KIF21B: variants seen among roughly 807,000 people sequenced by gnomAD.
KIF21B encodes the protein kinesin family member 21B.
KIF21B carries 85 observed loss-of-function variants against 192.9 expected under a neutral mutation model. That is an observed-to-expected ratio of 0.44 (90% CI 0.37 to 0.53). KIF21B has a LOEUF of 0.53. Among genes scored for constraint, KIF21B ranks in the 20% least tolerant of loss-of-function variants. The pLI, the probability that KIF21B is intolerant of heterozygous loss-of-function variation, is 0.00. For synonymous variants in KIF21B, 832 were observed against 884.6 expected, an observed-to-expected ratio of 0.94 and a Z score of 1.05; for missense variants, 1,716 against 2,194.8, an observed-to-expected ratio of 0.78 and a Z score of 4.36.
chr1:201,000,323 T>TGGGGACGGGCAGGGTCCAC lies in KIF21B; in HGVS notation c.1685+48_1685+66dup. The TGGGGACGGGCAGGGTCCAC allele has an allele frequency of 6.9e-7, 1 of 1,443,516 alleles. No individual in the cohort carries two copies. Among genetic ancestry groups the TGGGGACGGGCAGGGTCCAC allele is most frequent in the Non-Finnish European group, 9.3e-7 (1 of 1,079,652 alleles). The allele number at this position is 1,443,516 out of a possible 1,614,324, so 89.4% of individuals were successfully genotyped here. On this transcript the variant is annotated intron_variant, in intron 11 of 34. Coordinates refer to ENST00000461742, the MANE Select transcript of KIF21B (RefSeq NM_001252102.2). The surrounding 1 kb of genome is among the most constrained non-coding windows in gnomAD (Gnocchi z 6.0). Reference sequence around the variant, plus strand: ...AACACTGGTGGGCAGCAGTCCTCCTTGGGGACGGGCAGGGTCCACTGGGGC... The same window carrying TGGGGACGGGCAGGGTCCAC: ...AACACTGGTGGGCAGCAGTCCTCCTTGGGGACGGGCAGGGTCCACGGGGACGGGCAGGGTCCACTGGGGC...
Position 200,971,973 on chromosome 1 carries a change from G to A in KIF21B, c.*1548C>T, listed in dbSNP as rs1435778511. On this transcript the variant is annotated 3_prime_UTR_variant, in exon 35 of 35. Transcript: ENST00000461742. ...AAGTCACTGCGTCCTCTGAAGGGAGGTGGGGCTGGCTCTTGGCTCCCAGAC... is the reference window on the plus strand; with the variant it reads ...AAGTCACTGCGTCCTCTGAAGGGAGATGGGGCTGGCTCTTGGCTCCCAGAC... 3 of 152,060 alleles carry A rather than the reference G, an allele frequency of 2.0e-5. No homozygotes were observed. The highest frequency in any genetic ancestry group is 4.8e-5 in the African/African-American group (2 of 41,402). 9.4% of individuals were successfully genotyped at this position (152,060 alleles called of 1,614,324 possible). A position where few individuals can be genotyped will look rare whatever the true frequency, so the allele number is the denominator to read the frequency against.
intron 1 of KIF21B, among the ~76,000 whole-genome samples, chr1:201,021,946 G>GCA (rs1658854355): frequency 6.6e-6 from 1 of 152,164 alleles, no homozygotes; most frequent in Admixed American, 6.5e-5. Flanking sequence ...GTCAGCCCCA[G>GCA]CAGCAGCCTG....
chr1:200,999,255 G>C lies in KIF21B; in HGVS notation c.1885+94C>G. 6.8e-7 allele frequency: 1 copy of C among 1,477,682 alleles called. No individual in the cohort carries two copies. The highest frequency in any genetic ancestry group is 9.4e-7 in the Non-Finnish European group (1 of 1,059,674). The allele number at this position is 1,477,682 out of a possible 1,614,324, so 91.5% of individuals were successfully genotyped here. A position where few individuals can be genotyped will look rare whatever the true frequency, so the allele number is the denominator to read the frequency against. On this transcript the variant is annotated intron_variant, in intron 13 of 34. Transcript: ENST00000461742. This position sits in a 1 kb window ranked among gnomAD's most constrained non-coding sequence, Gnocchi z 4.7. ...TCACGTCTGGGAGTGCTGGGGCCTG[G>C]ACACCATTATCTTTGAGCAGGGCCC...
intron 17 of KIF21B, among the ~76,000 whole-genome samples, 199 bp from the exon 18 acceptor site, chr1:200,991,348 G>A (rs920070679): frequency 6.6e-6 from 1 of 152,202 alleles, no homozygotes; most frequent in African/African-American, 2.4e-5. Context: ...TTTTTTTAAC[G>A]CACAGCTCAG....
intron 16 of KIF21B, 96 bp from the exon 17 acceptor site, chr1:200,991,821 G>T: frequency 8.0e-7 from 1 of 1,257,514 alleles, no homozygotes; most frequent in Non-Finnish European, 1.1e-6. Flanking sequence ...GAAAGCCTGG[G>T]CTTCAGGGTG....
rs983166176 is a variant in KIF21B at position 200,991,265 on chromosome 1, T to C, written c.2455-116A>G. On this transcript the variant is annotated intron_variant, in intron 17 of 34. Coordinates refer to ENST00000461742, the MANE Select transcript of KIF21B (RefSeq NM_001252102.2). ...ACACAGAGGCTGCTCTGTGCTGGCC[T>C]GGGCTTGGGCTGCAAAAGGGCCAAG... 3.8e-6 allele frequency: 3 copies of C among 785,496 alleles called. No homozygotes were observed. The African/African-American group carries it at 5.3e-5, about 14-fold the overall frequency. The allele number at this position is 785,496 out of a possible 1,614,324, so 48.7% of individuals were successfully genotyped here.
intron 26 of KIF21B, among the ~76,000 whole-genome samples, chr1:200,986,077 G>C (rs796346289): frequency 4.6e-5 from 7 of 151,804 alleles, no homozygotes; most frequent in African/African-American, 1.7e-4. Flanking sequence ...GAACTCCTGA[G>C]CTCAGACAAT....
intron 30 of KIF21B, 140 bp downstream of exon 30, chr1:200,979,395 C>A: frequency 3.5e-6 from 2 of 567,694 alleles, no homozygotes; most frequent in South Asian, 3.5e-5. Flanking sequence ...AGGGTCAAGC[C>A]AAGTTCATAG....
At position 201,003,685 on chromosome 1, in the gene KIF21B, C is replaced by A; in HGVS notation, c.1113G>T (p.Lys371Asn). The change falls in exon 8 of 35, where the codon AAG becomes AAT. Residue 371 changes from lysine (K) to asparagine (N), a missense_variant. By Grantham distance (94) the Lys-to-Asn change is moderately conservative. Around this residue, in one of 3 missense-constraint regions of KIF21B, gnomAD observed 1,087 missense variants for 1,316.6 expected, o/e 0.83. Transcript: ENST00000461742. ...TGTCCTGGTTCACTACCACCTTGTT[C>A]TTGATGTTGCGGGCCCGATTGGCAT... ...LKYANRARNI[K>N]NKVVVNQDKT... 1.2e-6 allele frequency: 2 copies of A among 1,614,220 alleles called. No homozygotes were observed. Among genetic ancestry groups the A allele is most frequent in the Non-Finnish European group, 1.7e-6 (2 of 1,180,038 alleles).
Position 200,973,574 on chromosome 1 carries a change from G to T in KIF21B, c.4819C>A (p.Leu1607Met). 2 of 1,518,358 alleles carry T rather than the reference G, an allele frequency of 1.3e-6. No individual in the cohort carries two copies. The highest frequency in any genetic ancestry group is 3.4e-4 in the Middle Eastern group (2 of 5,898). The allele number at this position is 1,518,358 out of a possible 1,614,324, so 94.1% of individuals were successfully genotyped here. ...CGGACACTCCAGAACTTCACCGTCA[G>T]GTCACTGGGGTGGAGGACAAAGTGG... ...AKHIFTASSDLTVKFWSVRRL... is the reference protein window; with the variant it reads ...AKHIFTASSDMTVKFWSVRRL... Residue 1607 changes from leucine (L) to methionine (M), a missense_variant, in exon 35 of 35, where the codon CTG (leucine) becomes ATG (methionine). Around this residue, in one of 3 missense-constraint regions of KIF21B, gnomAD observed 580 missense variants for 775.5 expected, o/e 0.75. Transcript: ENST00000461742.
At position 200,999,256 on chromosome 1, in the gene KIF21B, A is replaced by T; in HGVS notation, c.1885+93T>A. ...CACGTCTGGGAGTGCTGGGGCCTGG[A>T]CACCATTATCTTTGAGCAGGGCCCG... On this transcript the variant is annotated intron_variant, in intron 13 of 34. Coordinates refer to ENST00000461742, the MANE Select transcript of KIF21B (RefSeq NM_001252102.2). This position sits in a 1 kb window ranked among gnomAD's most constrained non-coding sequence, Gnocchi z 4.7. 6.8e-7 allele frequency: 1 copy of T among 1,475,854 alleles called. No individual in the cohort carries two copies. The highest frequency in any genetic ancestry group is 9.5e-7 in the Non-Finnish European group (1 of 1,057,890). 91.4% of individuals were successfully genotyped at this position (1,475,854 alleles called of 1,614,324 possible). A position where few individuals can be genotyped will look rare whatever the true frequency, so the allele number is the denominator to read the frequency against.
At chr1:201,022,720 A>G (rs1422448679) in intron 1 of KIF21B, among the ~76,000 whole-genome samples, 1 of 152,194 alleles carries the variant, frequency 6.6e-6, no homozygotes, top group African/African-American at 2.4e-5. Context: ...GCCCTCTCAG[A>G]GAGAAGCACC....
chr1:200,995,209 A>G (rs10800749), intron 15 of KIF21B, among the ~76,000 whole-genome samples: 89,225 of 152,100 alleles, frequency 0.59, 28,018 homozygotes, highest in African/African-American at 0.82. Context: ...TGTAGCTACC[A>G]ATGGCTGCTA....
rs530291651 is a variant in KIF21B at position 200,982,721 on chromosome 1, C to G, written c.3842+335G>C. 1.3e-5 allele frequency among the ~76,000 whole-genome samples: 2 copies of G among 152,324 alleles called. No individual in the cohort carries two copies. The highest frequency in any genetic ancestry group is 3.9e-4 in the East Asian group (2 of 5,184). Reference sequence around the variant, plus strand: ...TCCCCTGCCTTCCAGTCGTGGAGAACTCAGCCCCAGCCCAGCATCCCCTAG... The same window carrying G: ...TCCCCTGCCTTCCAGTCGTGGAGAAGTCAGCCCCAGCCCAGCATCCCCTAG... On this transcript the variant is annotated intron_variant, in intron 28 of 34. Transcript: ENST00000461742. This position sits in a 1 kb window ranked among gnomAD's most constrained non-coding sequence, Gnocchi z 4.7.
Position 200,974,094 on chromosome 1 carries a change from G to A in KIF21B, c.4815-516C>T, listed in dbSNP as rs764224369. ...GAGGAGACAGGGAGAGTTGGGGAGG[G>A]TCAGGGCAGGGTGGTGGCGCGGCCC... On this transcript the variant is annotated intron_variant, in intron 34 of 34. Transcript: ENST00000461742. 5 of 1,612,710 alleles carry A rather than the reference G, an allele frequency of 3.1e-6. No individual in the cohort carries two copies. The African/African-American group carries it at 5.3e-5, about 17-fold the overall frequency.
At chr1:200,979,819 A>C in intron 29 of KIF21B, 104 bp from the exon 30 acceptor site, 1 of 932,926 alleles carries the variant, frequency 1.1e-6, no homozygotes, top group Non-Finnish European at 1.5e-6. Flanking sequence ...AAAGGGATCC[A>C]CAGGGCTCCA....
In KIF21B at chr1:200,979,668, C is replaced by T. The variant is rs751363063; in HGVS notation, c.4027G>A (p.Ala1343Thr). The change falls in exon 30 of 35, where the codon GCT (alanine) becomes ACT (threonine). Residue 1343 changes from alanine (A) to threonine (T), a missense_variant. Around this residue, in one of 3 missense-constraint regions of KIF21B, gnomAD observed 580 missense variants for 775.5 expected, o/e 0.75. Coordinates refer to ENST00000461742, the MANE Select transcript of KIF21B (RefSeq NM_001252102.2). ...WNLVTGQEIA[A>T]LKGHPNNVVS... ...ACGTTGTTGGGGTGGCCCTTTAGAG[C>T]TGCGATCTCCTGTCCCGTAACCAAG... is the stretch of plus-strand genomic sequence containing the variant. The T allele has an allele frequency of 2.5e-6, 4 of 1,578,960 alleles. No homozygotes were observed. In the African/African-American group the frequency reaches 5.5e-5, roughly 22 times the overall value.
intron 1 of KIF21B, among the ~76,000 whole-genome samples, chr1:201,013,461 T>A (rs567592697): frequency 3.3e-5 from 5 of 152,278 alleles, no homozygotes; most frequent in African/African-American, 1.2e-4. Flanking sequence ...ATGGGCACCA[T>A]CTAACAGTCC....
Position 200,992,289 on chromosome 1 carries a change from C to A in KIF21B, c.2378G>T (p.Arg793Leu), listed in dbSNP as rs747380037. The A allele has an allele frequency of 5.6e-6, 9 of 1,611,708 alleles. No individual in the cohort carries two copies. The highest frequency in any genetic ancestry group is 7.6e-6 in the Non-Finnish European group (9 of 1,180,014). ...EIAQLKKEQR[R>L]QEFQIRALES... The stretch of plus-strand genomic sequence containing the variant: ...TCAAGGGCCACCCCTCACCTCCTGT[C>A]GCCGCTGCTCCTTCTTGAGCTGTGC... The change falls in exon 16 of 35, where the codon CGA becomes CTA. Residue 793 changes from arginine to leucine, a missense_variant. Arg to Leu is a moderately radical substitution (Grantham distance 102). Coordinates refer to ENST00000461742, the MANE Select transcript of KIF21B (RefSeq NM_001252102.2).
Sources: allele counts gnomAD v4.1 joint callset (sites outside exome capture counted in the v4.1 genomes callset), GRCh38; gene constraint gnomAD v4.1.1; regional missense constraint gnomAD v4.1.1; non-coding constraint Gnocchi (gnomAD v3.1); transcripts MANE v1.5; gene names NCBI Gene and HGNC (gene_info 2026-07-23, HGNC 2026-07-21).